Variants in AK9 observed in about 807,000 individuals in gnomAD.
AK9 encodes the protein adenylate kinase 9.
A neutral mutation model predicts 239.6 loss-of-function variants in AK9; 191 were observed. The observed-to-expected ratio is 0.80, with a 90% CI of 0.71 to 0.90. AK9 has a LOEUF of 0.90. AK9 is among the 40% of genes least tolerant of loss of function. AK9 has a pLI of 0.00. For missense variants in AK9, 1,995 were observed against 2,214.7 expected, an observed-to-expected ratio of 0.90 and a Z score of 1.99; for synonymous variants, 689 against 721.0, an observed-to-expected ratio of 0.96 and a Z score of 0.71.
intron 32 of AK9, among the ~76,000 whole-genome samples, chr6:109,509,649 G>A (rs1425432698): frequency 6.6e-6 from 1 of 152,102 alleles, no homozygotes; most frequent in African/African-American, 2.4e-5. Flanking sequence ...TTAAACTGCG[G>A]CTATGGGTCT....
At chr6:109,552,557 T>G (rs1284374480) in intron 24 of AK9, among the ~76,000 whole-genome samples, 1 of 152,204 alleles carries the variant, frequency 6.6e-6, no homozygotes, top group Non-Finnish European at 1.5e-5. Context: ...GTTGTTTGTT[T>G]TTTTCTTGTA....
chr6:109,586,141 AT>A (rs1460028038), intron 17 of AK9, 69 bp from the exon 18 acceptor site: 1 of 1,267,408 alleles, frequency 7.9e-7, no homozygotes, highest in African/African-American at 1.5e-5. Context: ...TTGATATGTA[AT>A]TTTTGTGGAT....
In AK9 at chr6:109,659,415, T is replaced by G; in HGVS notation, c.445-2A>C. On this transcript the variant is annotated splice_acceptor_variant, in intron 6 of 40. Transcript: ENST00000424296. LOFTEE classifies it high-confidence loss of function. ...CTGGCACAAATCATAGTCAGGACACTAAGAAACAACATTATTAAATCACTT... is the reference window on the plus strand; with the variant it reads ...CTGGCACAAATCATAGTCAGGACACGAAGAAACAACATTATTAAATCACTT... The G allele has an allele frequency of 6.3e-7, 1 of 1,589,226 alleles. No homozygotes were observed. Among genetic ancestry groups the G allele is most frequent in the South Asian group, 1.1e-5 (1 of 87,278 alleles).
At chr6:109,529,845 G>T (rs1985123) in intron 28 of AK9, among the ~76,000 whole-genome samples, 1 of 151,876 alleles carries the variant, frequency 6.6e-6, no homozygotes, top group Non-Finnish European at 1.5e-5. Flanking sequence ...TGAGTGATGG[G>T]GAGCGGCTGT....
At chr6:109,522,351 T>G (rs1458727252) in intron 29 of AK9, among the ~76,000 whole-genome samples, 1 of 152,052 alleles carries the variant, frequency 6.6e-6, no homozygotes, top group Non-Finnish European at 1.5e-5. Flanking sequence ...TCTTCTAACA[T>G]TTCTTAGAAT....
At chr6:109,633,435 T>A in intron 10 of AK9, 112 bp from the exon 11 acceptor site, 1 of 1,242,982 alleles carries the variant, frequency 8.0e-7, no homozygotes, top group Non-Finnish European at 1.1e-6. Flanking sequence ...AGAAATAATT[T>A]AAAAAGGAAA....
At chr6:109,659,776 A>G (rs1164828473) in intron 6 of AK9, among the ~76,000 whole-genome samples, 1 of 152,176 alleles carries the variant, frequency 6.6e-6, no homozygotes, top group African/African-American at 2.4e-5. Context: ...TTACGAATGG[A>G]GCAAAATGGG....
chr6:109,555,330 T>A (rs1784867101), intron 24 of AK9, among the ~76,000 whole-genome samples: 1 of 152,210 alleles, frequency 6.6e-6, no homozygotes, highest in South Asian at 2.1e-4. Flanking sequence ...TTTGAATGAG[T>A]CTCTTAATCC....
In AK9 at chr6:109,585,126, GCTTCTT is replaced by G. The variant is rs71770197; in HGVS notation, c.2105_2110del (p.Glu702_Glu703del). 5.1e-5 allele frequency: 58 copies of G among 1,135,190 alleles called. No homozygotes were observed. Among genetic ancestry groups the G allele is most frequent in the South Asian group, 1.5e-4 (7 of 46,668 alleles). The allele number at this position is 1,135,190 out of a possible 1,614,324, so 70.3% of individuals were successfully genotyped here. A position where few individuals can be genotyped will look rare whatever the true frequency, so the allele number is the denominator to read the frequency against. On this transcript the variant is annotated inframe_deletion, in exon 19 of 41. Transcript: ENST00000424296. ...TATCATTCTAGGCAGATTTTACCTT[GCTTCTT>G]CTTCTTCTTTTTTTTTCTTTTGTAG...
intron 8 of AK9, among the ~76,000 whole-genome samples, chr6:109,651,186 C>T (rs1279468857): frequency 6.6e-6 from 1 of 151,518 alleles, no homozygotes; most frequent in Non-Finnish European, 1.5e-5. Flanking sequence ...ACATATGTAA[C>T]AAACCTGCAC....
intron 21 of AK9, 116 bp from the exon 22 acceptor site, chr6:109,564,961 T>C: frequency 1.5e-6 from 1 of 672,840 alleles, no homozygotes; most frequent in Non-Finnish European, 2.3e-6. Context: ...AAATGCCTAA[T>C]AGAAAGCAAA....
chr6:109,554,009 A>T (rs760409571), intron 24 of AK9, among the ~76,000 whole-genome samples: 30 of 152,152 alleles, frequency 2.0e-4, no homozygotes, highest in Non-Finnish European at 3.4e-4. Context: ...ATGTTTATTG[A>T]CCTGTGTATG....
intron 1 of AK9, among the ~76,000 whole-genome samples, chr6:109,690,122 A>G (rs1289283726): frequency 6.6e-6 from 1 of 152,154 alleles, no homozygotes. Context: ...CTATAATTCT[A>G]TAATTTTTTT....
chr6:109,637,780 T>C (rs1169009618), intron 10 of AK9, among the ~76,000 whole-genome samples: 1 of 152,234 alleles, frequency 6.6e-6, no homozygotes, highest in Non-Finnish European at 1.5e-5. Context: ...TAAAGTCCTT[T>C]AAAAACACAA....
At chr6:109,575,554 T>C (rs901658999) in intron 20 of AK9, among the ~76,000 whole-genome samples, 5 of 152,128 alleles carry the variant, frequency 3.3e-5, no homozygotes, top group African/African-American at 1.2e-4. Flanking sequence ...CTGATTTGAG[T>C]TCCTTTTAGA....
intron 33 of AK9, 42 bp downstream of exon 33, chr6:109,509,137 A>T: frequency 6.6e-7 from 1 of 1,520,548 alleles, no homozygotes; most frequent in Non-Finnish European, 8.9e-7. Flanking sequence ...TTCTTGAAAG[A>T]TTTAACTCCC....
At chr6:109,669,721 G>A (rs1801800112) in intron 5 of AK9, among the ~76,000 whole-genome samples, 1 of 152,188 alleles carries the variant, frequency 6.6e-6, no homozygotes, top group Admixed American at 6.5e-5. Flanking sequence ...CGGGTTGAGA[G>A]CAAACATCAG....
intron 29 of AK9, among the ~76,000 whole-genome samples, chr6:109,516,890 T>C (rs1188105886): frequency 6.6e-6 from 1 of 152,236 alleles, no homozygotes; most frequent in Non-Finnish European, 1.5e-5. Flanking sequence ...TTCTTCTAAT[T>C]ATTTTTGAAT....
intron 10 of AK9, among the ~76,000 whole-genome samples, chr6:109,638,773 G>C (rs1272890377): frequency 2.0e-5 from 3 of 152,094 alleles, no homozygotes; most frequent in Admixed American, 1.3e-4. Context: ...TTTACATTAG[G>C]TATTTCTCCT....
Sources: allele counts gnomAD v4.1 joint callset (sites outside exome capture counted in the v4.1 genomes callset), GRCh38; gene constraint gnomAD v4.1.1; transcripts MANE v1.5; gene names NCBI Gene and HGNC (gene_info 2026-07-23, HGNC 2026-07-21).